Variants in DDX10 observed in about 807,000 individuals in gnomAD.
DDX10 encodes DEAD-box helicase 10, also known as probable ATP-dependent RNA helicase DDX10.
A neutral mutation model predicts 104.3 loss-of-function variants in DDX10; 74 were observed. That is an observed-to-expected ratio of 0.71 (90% CI 0.59 to 0.86). DDX10 has a LOEUF of 0.86. Among genes scored for constraint, DDX10 ranks in the 40% least tolerant of loss-of-function variants. DDX10 has a pLI of 0.00. For missense variants in DDX10, 952 were observed against 1,040.0 expected, an observed-to-expected ratio of 0.92 and a Z score of 1.16; for synonymous variants, 351 against 353.4, an observed-to-expected ratio of 0.99 and a Z score of 0.08.
Position 108,903,379 on chromosome 11 carries a change from A to G in DDX10, c.2305-14494A>G, listed in dbSNP as rs75278013. Among the ~76,000 whole-genome samples, 604 of 152,276 alleles carry G rather than the reference A, an allele frequency of 4.0e-3. 1 individual carries two copies. Among genetic ancestry groups the G allele is most frequent in the African/African-American group, 0.014 (583 of 41,564 alleles). On this transcript the variant is annotated intron_variant, in intron 16 of 17. Coordinates refer to ENST00000322536, the MANE Select transcript of DDX10 (RefSeq NM_004398.4). The stretch of plus-strand genomic sequence containing the variant: ...TTTCAAGGCTCCTCCATGTTGTAGC[A>G]TATACCAGGACTTCATTTCTTTTCA...
chr11:108,877,726 A>G (rs1027145513), intron 16 of DDX10, among the ~76,000 whole-genome samples: 1 of 152,176 alleles, frequency 6.6e-6, no homozygotes, highest in Non-Finnish European at 1.5e-5. Context: ...CACTATGGGA[A>G]TCCTGTGGAA....
chr11:108,892,851 T>G, intron 16 of DDX10, among the ~76,000 whole-genome samples: 1 of 152,160 alleles, frequency 6.6e-6, no homozygotes. Flanking sequence ...CCAAGTTTCC[T>G]TAGCATGTGT....
chr11:108,869,283 A>C (rs895218351), intron 16 of DDX10, among the ~76,000 whole-genome samples: 4 of 151,636 alleles, frequency 2.6e-5, no homozygotes, highest in South Asian at 2.1e-4. Flanking sequence ...TAAGATTGCC[A>C]TTATGCTCTG....
chr11:108,874,796 GTTT>G (rs544039530), intron 16 of DDX10, among the ~76,000 whole-genome samples: 1 of 151,112 alleles, frequency 6.6e-6, no homozygotes, highest in South Asian at 2.1e-4. Context: ...AGCCAGACTT[GTTT>G]TTTTTTAAAC....
At chr11:108,926,607 G>A (rs1236565330) in intron 17 of DDX10, among the ~76,000 whole-genome samples, 2 of 152,192 alleles carry the variant, frequency 1.3e-5, no homozygotes, top group African/African-American at 4.8e-5. Context: ...TGAGCAGCTA[G>A]AAAAGAGACA....
At chr11:108,933,988 A>G (rs766907733) in intron 17 of DDX10, among the ~76,000 whole-genome samples, 6 of 152,232 alleles carry the variant, frequency 3.9e-5, no homozygotes, top group Admixed American at 6.5e-5. Context: ...GGAACTTGTA[A>G]TCTAATCGAA....
intron 17 of DDX10, among the ~76,000 whole-genome samples, chr11:108,932,461 AAAT>A (rs1326341054): frequency 2.0e-5 from 3 of 152,070 alleles, no homozygotes; most frequent in East Asian, 1.9e-4. Flanking sequence ...CTCTAAAAAG[AAAT>A]AATAATAAAA....
At chr11:108,813,802 C>T (rs1862219334) in intron 13 of DDX10, among the ~76,000 whole-genome samples, 1 of 152,146 alleles carries the variant, frequency 6.6e-6, no homozygotes, top group Admixed American at 6.5e-5. Context: ...CCCAATTATT[C>T]CAATATTGCT....
intron 9 of DDX10, among the ~76,000 whole-genome samples, chr11:108,693,913 T>C (rs1372179948): frequency 1.3e-5 from 2 of 152,200 alleles, no homozygotes; most frequent in Non-Finnish European, 2.9e-5. Flanking sequence ...AGTCCTCACT[T>C]ATCCTCAGGG....
At chr11:108,693,197 C>T (rs1034261598) in intron 8 of DDX10, among the ~76,000 whole-genome samples, 1 of 152,120 alleles carries the variant, frequency 6.6e-6, no homozygotes, top group South Asian at 2.1e-4. Context: ...GTCCATGTCC[C>T]CATTAGAAGT....
chr11:108,805,587 T>C (rs1301903024), intron 13 of DDX10, among the ~76,000 whole-genome samples: 2 of 152,244 alleles, frequency 1.3e-5, no homozygotes, highest in Non-Finnish European at 2.9e-5. Flanking sequence ...TTTCATTTTT[T>C]ATTTTTCCTC....
intron 16 of DDX10, among the ~76,000 whole-genome samples, chr11:108,880,312 A>C (rs990678454): frequency 6.6e-6 from 1 of 152,104 alleles, no homozygotes; most frequent in African/African-American, 2.4e-5. Context: ...TTAGGGTCCT[A>C]CCCTTATAAC....
intron 16 of DDX10, among the ~76,000 whole-genome samples, chr11:108,874,867 GT>G (rs1863131157): frequency 6.6e-6 from 1 of 152,090 alleles, no homozygotes. Flanking sequence ...CTTCAGCTGA[GT>G]TCCTTTATTG....
chr11:108,820,572 A>G (rs1179051243), intron 13 of DDX10, among the ~76,000 whole-genome samples: 1 of 152,224 alleles, frequency 6.6e-6, no homozygotes, highest in Non-Finnish European at 1.5e-5. Context: ...CTAGGGAACC[A>G]GACATTATAG....
At chr11:108,938,592 T>A (rs1198520117) in intron 17 of DDX10, among the ~76,000 whole-genome samples, 1 of 152,208 alleles carries the variant, frequency 6.6e-6, no homozygotes, top group East Asian at 1.9e-4. Flanking sequence ...TTTAAGACCC[T>A]CTTTCACTAA....
chr11:108,796,256 C>T (rs927388309), intron 13 of DDX10, among the ~76,000 whole-genome samples: 9 of 152,204 alleles, frequency 5.9e-5, no homozygotes. Context: ...ACTGACGTTT[C>T]ATAGAGCCAA....
At chr11:108,925,307 T>TA (rs1382586258) in intron 17 of DDX10, among the ~76,000 whole-genome samples, 1 of 152,202 alleles carries the variant, frequency 6.6e-6, no homozygotes, top group Non-Finnish European at 1.5e-5. Flanking sequence ...CTCTTACTGT[T>TA]ACTGTTTTTG....
chr11:108,848,733 G>A (rs1862752300), intron 15 of DDX10, among the ~76,000 whole-genome samples: 1 of 151,946 alleles, frequency 6.6e-6, no homozygotes, highest in Non-Finnish European at 1.5e-5. Flanking sequence ...CTTCCTTTTG[G>A]GGATTTTTTT....
intron 15 of DDX10, among the ~76,000 whole-genome samples, chr11:108,848,295 C>G (rs931123178): frequency 1.3e-5 from 2 of 152,058 alleles, no homozygotes; most frequent in Non-Finnish European, 2.9e-5. Context: ...ATTTAAGAGT[C>G]TAAAGTAAGA....
Sources: gnomAD v4.1 joint callset for allele counts (sites outside exome capture counted in the v4.1 genomes callset) on GRCh38, gnomAD v4.1.1 for gene constraint, MANE v1.5 for transcripts, NCBI Gene and HGNC (gene_info 2026-07-23, HGNC 2026-07-21) for gene names.